The following KIF16B variants were observed in gnomAD, a reference collection of about 807,000 sequenced individuals.
KIF16B encodes kinesin family member 16B.
A neutral mutation model predicts 156.3 loss-of-function variants in KIF16B; 98 were observed. The observed-to-expected ratio is 0.63, with a 90% CI of 0.53 to 0.74. The LOEUF (loss-of-function observed/expected upper bound fraction) is 0.74, where lower values mean the gene tolerates loss of function less well. KIF16B is among the 30% of genes least tolerant of loss of function. The pLI is 0.00. For missense variants in KIF16B, 1,421 were observed against 1,606.5 expected, an observed-to-expected ratio of 0.88 and a Z score of 1.97; for synonymous variants, 564 against 583.7, an observed-to-expected ratio of 0.97 and a Z score of 0.49.
rs76057907 is a variant in KIF16B, at chr20:16,335,802, T to A, written c.3711+124A>T. On this transcript the variant is annotated intron_variant, in intron 24 of 25. Transcript: ENST00000354981. ...AATGGGTTATTGAAGTAAGACTTAG[T>A]GACACTAATAAGCTAGTATCTGAAA... 2.3e-4 allele frequency: 135 copies of A among 582,324 alleles called. No homozygotes were observed. The East Asian group carries it at 3.7e-3, about 16-fold the overall frequency. The allele number at this position is 582,324 out of a possible 1,614,324, so 36.1% of individuals were successfully genotyped here.
intron 22 of KIF16B, among the ~76,000 whole-genome samples, chr20:16,359,353 T>C (rs978343256): frequency 1.4e-4 from 22 of 152,290 alleles, no homozygotes; most frequent in East Asian, 7.7e-4. Context: ...CCTCACACTC[T>C]TTCTCTTGCT....
At chr20:16,462,622 G>A (rs1369676663) in intron 12 of KIF16B, among the ~76,000 whole-genome samples, 1 of 152,142 alleles carries the variant, frequency 6.6e-6, no homozygotes, top group South Asian at 2.1e-4. Flanking sequence ...AAGCGAACAG[G>A]AGGAACTGAT....
At chr20:16,390,054 A>G (rs1209197237) in intron 17 of KIF16B, among the ~76,000 whole-genome samples, 2 of 152,218 alleles carry the variant, frequency 1.3e-5, no homozygotes, top group African/African-American at 4.8e-5. Flanking sequence ...GTGGGATACA[A>G]GAAGTCTCAC....
chr20:16,521,285 G>C (rs1006533490), intron 3 of KIF16B, among the ~76,000 whole-genome samples: 1 of 151,950 alleles, frequency 6.6e-6, no homozygotes, highest in Non-Finnish European at 1.5e-5. Flanking sequence ...AGGGTTAGAC[G>C]AATTGCTAAC....
chr20:16,554,470 C>G (rs752437834), intron 1 of KIF16B, among the ~76,000 whole-genome samples: 2 of 152,178 alleles, frequency 1.3e-5, no homozygotes, highest in Non-Finnish European at 2.9e-5. Flanking sequence ...TGCCTGCTAC[C>G]CAGTGCGGGT....
chr20:16,350,042 TG>T (rs1178258509), intron 23 of KIF16B, among the ~76,000 whole-genome samples: 1 of 152,260 alleles, frequency 6.6e-6, no homozygotes, highest in Non-Finnish European at 1.5e-5. Flanking sequence ...ATGTTTTCTC[TG>T]CTTCTCCCTC....
chr20:16,498,809 A>AT (rs2068529356), intron 10 of KIF16B, among the ~76,000 whole-genome samples: 1 of 118,758 alleles, frequency 8.4e-6, no homozygotes, highest in Non-Finnish European at 2.0e-5. Flanking sequence ...TATGGTTTTT[A>AT]TTTTTTATAA....
intron 1 of KIF16B, among the ~76,000 whole-genome samples, chr20:16,559,379 C>A (rs1488477644): frequency 6.6e-6 from 1 of 152,186 alleles, no homozygotes; most frequent in East Asian, 1.9e-4. Flanking sequence ...TCTACTCTTA[C>A]CCTAAATATG....
At chr20:16,512,386 C>T (rs4813222) in intron 5 of KIF16B, among the ~76,000 whole-genome samples, 150,455 of 152,290 alleles carry the variant, frequency 0.99, 74,324 homozygotes, top group East Asian at 1. Flanking sequence ...ACCGAAGAGA[C>T]TGGCTCCCCT....
intron 14 of KIF16B, among the ~76,000 whole-genome samples, chr20:16,428,437 G>C (rs1240117328): frequency 6.6e-6 from 1 of 152,092 alleles, no homozygotes; most frequent in Non-Finnish European, 1.5e-5. Context: ...ATCTGTGTAG[G>C]CTAAGTCACT....
chr20:16,407,350 C>T (rs1172999793), intron 15 of KIF16B, among the ~76,000 whole-genome samples: 9 of 152,140 alleles, frequency 5.9e-5, no homozygotes, highest in South Asian at 2.1e-4. Flanking sequence ...GTCCCATCCA[C>T]GTATGAGAGT....
chr20:16,336,123 A>G (rs2064032303), intron 23 of KIF16B, 108 bp from the exon 24 acceptor site: 2 of 668,296 alleles, frequency 3.0e-6, no homozygotes, highest in Non-Finnish European at 5.1e-6. Flanking sequence ...AGCATGTAAA[A>G]TTTCTCTAGA....
intron 17 of KIF16B, among the ~76,000 whole-genome samples, chr20:16,386,250 A>C (rs2065226921): frequency 6.6e-6 from 1 of 152,146 alleles, no homozygotes; most frequent in Non-Finnish European, 1.5e-5. Context: ...TGGCCCTCTA[A>C]TGAGGCTGGG....
chr20:16,438,070 C>T (rs576216728), intron 12 of KIF16B, among the ~76,000 whole-genome samples: 1 of 152,092 alleles, frequency 6.6e-6, no homozygotes, highest in South Asian at 2.1e-4. Context: ...TCGCTTGAAC[C>T]TGGGAGGAGG....
chr20:16,481,020 G>C (rs931402637), intron 12 of KIF16B, among the ~76,000 whole-genome samples: 1 of 152,146 alleles, frequency 6.6e-6, no homozygotes, highest in Admixed American at 6.5e-5. Flanking sequence ...TTGAAGGGAT[G>C]ATCTTCCACA....
chr20:16,506,203 A>G lies in KIF16B; in HGVS notation c.700-13T>C. 6.2e-7 allele frequency: 1 copy of G among 1,612,908 alleles called. No individual in the cohort carries two copies. The highest frequency in any genetic ancestry group is 8.5e-7 in the Non-Finnish European group (1 of 1,178,974). ...AATCAAATTTAGCCTGTGGTAAAAT[A>G]AAAAAGTAAAATTGAAGAGGTGCAA... On this transcript the variant is annotated splice_polypyrimidine_tract_variant and intron_variant, in intron 7 of 25. Transcript: ENST00000354981.
intron 23 of KIF16B, among the ~76,000 whole-genome samples, chr20:16,350,400 TG>T (rs1359062688): frequency 6.6e-6 from 1 of 151,768 alleles, no homozygotes; most frequent in Non-Finnish European, 1.5e-5. Context: ...GTCCAGAGGG[TG>T]GGCAGGGGGC....
At chr20:16,324,498 G>A (rs999663734) in intron 24 of KIF16B, among the ~76,000 whole-genome samples, 1 of 152,026 alleles carries the variant, frequency 6.6e-6, no homozygotes, top group Admixed American at 6.6e-5. Context: ...ACAGTTCCAA[G>A]CTCATTGCTG....
rs2065041666 is a variant in KIF16B at position 16,379,663 on chromosome 20, C to T, written c.2339G>A (p.Arg780Gln). 17 of 1,614,020 alleles carry T rather than the reference C, an allele frequency of 1.1e-5. No individual in the cohort carries two copies. The highest frequency in any genetic ancestry group is 4.0e-5 in the African/African-American group (3 of 74,894). Residue 780 changes from arginine to glutamine, a missense_variant, in exon 19 of 26, where the codon CGG becomes CAG. Transcript: ENST00000354981. ...REKQEMIQLL[R>Q]RGEVQWVEEE... The stretch of plus-strand genomic sequence containing the variant: ...TTCCACCCACTGTACCTCCCCACGC[C>T]GCAGGAGCTGGATCATCTCCTGCTT...
Sources: gnomAD v4.1 joint callset for allele counts (sites outside exome capture counted in the v4.1 genomes callset) on GRCh38, gnomAD v4.1.1 for gene constraint, MANE v1.5 for transcripts, NCBI Gene and HGNC (gene_info 2026-07-23, HGNC 2026-07-21) for gene names.